Variants in APCDD1 observed in about 807,000 individuals in gnomAD.
APCDD1 encodes the protein APC down-regulated 1, also known as protein APCDD1.
A neutral mutation model predicts 38.1 loss-of-function variants in APCDD1; 15 were observed. The observed-to-expected ratio is 0.39, with a 90% CI of 0.26 to 0.61. The LOEUF is 0.61. Among genes scored for constraint, APCDD1 ranks in the 20% least tolerant of loss-of-function variants. APCDD1 has a pLI of 0.49. For synonymous variants in APCDD1, 261 were observed against 279.7 expected, an observed-to-expected ratio of 0.93 and a Z score of 0.67; for missense variants, 647 against 696.2, an observed-to-expected ratio of 0.93 and a Z score of 0.79.
chr18:10,471,277 C>T lies in APCDD1; in HGVS notation c.243-253C>T, dbSNP rs761464187. 5.3e-5 allele frequency among the ~76,000 whole-genome samples: 8 copies of T among 152,152 alleles called. No homozygotes were observed. The highest frequency in any genetic ancestry group is 1.2e-4 in the Non-Finnish European group (8 of 68,024). On this transcript the variant is annotated intron_variant, in intron 2 of 4. Transcript: ENST00000355285. This position sits in a 1 kb window ranked among gnomAD's most constrained non-coding sequence, Gnocchi z 5.5. ...CTGGATTCATGGACTGGCTCTGATA[C>T]TTGCTGGTCATGTGCTCTTGGGCAT...
Position 10,468,550 on chromosome 18 carries a change from T to C in APCDD1, c.140T>C (p.Phe47Ser). Residue 47 changes from phenylalanine to serine, a missense_variant, in exon 2 of 5, where the codon TTT (phenylalanine) becomes TCT (serine). Physicochemically the swap from Phe to Ser is radical, Grantham distance 155. Transcript: ENST00000355285. ...TTAGAGAAAAGTGCCTGGAGGGCTT[T>C]TAAGGAGTCACAGTGCCATCACATG... The part of the protein sequence containing the change: ...RSLEKSAWRA[F>S]KESQCHHMLK... The C allele has an allele frequency of 6.2e-7, 1 of 1,614,146 alleles. No homozygotes were observed. The highest frequency in any genetic ancestry group is 1.1e-5 in the South Asian group (1 of 91,078).
chr18:10,468,350 G>A (rs577898206), intron 1 of APCDD1, 119 bp from the exon 2 acceptor site: 1 of 1,095,576 alleles, frequency 9.1e-7, no homozygotes, highest in African/African-American at 1.5e-5. Context: ...ATGACACCTT[G>A]TAGAATAAAC....
chr18:10,468,813 G>A (rs1483071989), intron 2 of APCDD1, among the ~76,000 whole-genome samples, 161 bp downstream of exon 2: 1 of 152,204 alleles, frequency 6.6e-6, no homozygotes, highest in Non-Finnish European at 1.5e-5. Flanking sequence ...ATTATGGTTG[G>A]TTAAGAAAAA....
chr18:10,473,849 T>C lies in APCDD1; in HGVS notation c.774+1788T>C, dbSNP rs183685476. Among the ~76,000 whole-genome samples the C allele has an allele frequency of 3.3e-5, 5 of 152,148 alleles. No individual in the cohort carries two copies. In the East Asian group the frequency reaches 7.7e-4, roughly 23 times the overall value. ...TTTATACTGGCCAGGTCCACTTGGT[T>C]TGAGATAGTAGCAGGAGAAGGGGCT... On this transcript the variant is annotated intron_variant, in intron 3 of 4. Coordinates refer to ENST00000355285, the MANE Select transcript of APCDD1 (RefSeq NM_153000.5).
intron 3 of APCDD1, among the ~76,000 whole-genome samples, chr18:10,478,885 A>G (rs1292385178): frequency 6.6e-6 from 1 of 152,218 alleles, no homozygotes; most frequent in Admixed American, 6.5e-5. Context: ...CCAGATAGGA[A>G]AAGCACCCCG....
Position 10,461,124 on chromosome 18 carries a change from A to G in APCDD1, c.58+6085A>G, listed in dbSNP as rs530318454. Among the ~76,000 whole-genome samples, 31 of 152,276 alleles carry G rather than the reference A, an allele frequency of 2.0e-4. 2 individuals are homozygous for G. The highest frequency in any genetic ancestry group is 7.5e-4 in the African/African-American group (31 of 41,562). On this transcript the variant is annotated intron_variant, in intron 1 of 4. Coordinates refer to ENST00000355285, the MANE Select transcript of APCDD1 (RefSeq NM_153000.5). ...CATTGTGCAGTCATTTAGGATTACTATCATGGGGTAATGTATTCCTTGGGA... is the reference window on the plus strand; with the variant it reads ...CATTGTGCAGTCATTTAGGATTACTGTCATGGGGTAATGTATTCCTTGGGA...
Position 10,488,145 on chromosome 18 carries a change from G to T in APCDD1, c.*107G>T. On this transcript the variant is annotated 3_prime_UTR_variant, in exon 5 of 5. Transcript: ENST00000355285. ...TCTTTTGATGCACTTGAATGCCAGA[G>T]AACTGTCCTTCTTTTTCTCCTCTCC... The T allele has an allele frequency of 7.3e-7, 1 of 1,369,866 alleles. No individual in the cohort carries two copies. Among genetic ancestry groups the T allele is most frequent in the Admixed American group, 2.0e-5 (1 of 51,006 alleles). The allele number at this position is 1,369,866 out of a possible 1,614,324, so 84.9% of individuals were successfully genotyped here.
chr18:10,483,240 C>T (rs1476676812), intron 3 of APCDD1, among the ~76,000 whole-genome samples: 1 of 152,204 alleles, frequency 6.6e-6, no homozygotes, highest in Non-Finnish European at 1.5e-5. Context: ...CATGCAGGAG[C>T]TCATCTCCAT....
intron 4 of APCDD1, among the ~76,000 whole-genome samples, chr18:10,487,077 C>G (rs1041172385): frequency 6.6e-6 from 1 of 152,200 alleles, no homozygotes; most frequent in Admixed American, 6.5e-5. Flanking sequence ...TTGCTTGCAG[C>G]CTAACTTATT....
intron 4 of APCDD1, among the ~76,000 whole-genome samples, chr18:10,487,262 A>G (rs60199038): frequency 0.016 from 2,507 of 152,314 alleles, 58 homozygotes; most frequent in African/African-American, 0.058. Context: ...AAAACTCCTT[A>G]GGAGCACTCC....
Position 10,475,661 on chromosome 18 carries a change from T to G in APCDD1, c.774+3600T>G. 8.4e-6 allele frequency among the ~76,000 whole-genome samples: 1 copy of G among 118,414 alleles called. No individual in the cohort carries two copies. Among genetic ancestry groups the G allele is most frequent in the Non-Finnish European group, 1.6e-5 (1 of 61,886 alleles). The allele number at this position is 118,414 out of a possible 152,430, so 77.7% of individuals were successfully genotyped here. On this transcript the variant is annotated intron_variant, in intron 3 of 4. Transcript: ENST00000355285. The surrounding 1 kb of genome is among the most constrained non-coding windows in gnomAD (Gnocchi z 4.0). ...GCACAGTCATCACAGAAAATTTAGA[T>G]TAAAAAAAAAAAAAAGCAAGCAAAC...
chr18:10,482,980 C>T (rs2031173205), intron 3 of APCDD1, among the ~76,000 whole-genome samples: 1 of 152,190 alleles, frequency 6.6e-6, no homozygotes, highest in East Asian at 1.9e-4. Context: ...GTCAGAAAGG[C>T]CTTTATTTAA....
At chr18:10,462,597 CCTTCCT>C in intron 1 of APCDD1, among the ~76,000 whole-genome samples, 1 of 4,234 alleles carries the variant, frequency 2.4e-4, no homozygotes, top group African/African-American at 1.5e-3. Context: ...CTCCCTCCTT[CCTTCCT>C]TCCTTCCTTC....
chr18:10,466,458 A>G (rs2030716786), intron 1 of APCDD1, among the ~76,000 whole-genome samples: 1 of 152,242 alleles, frequency 6.6e-6, no homozygotes, highest in Non-Finnish European at 1.5e-5. Context: ...CAGACTTCCC[A>G]TCTGGCCCAG....
rs1321171570 is a variant in APCDD1 at position 10,472,262 on chromosome 18, G to A, written c.774+201G>A. Among the ~76,000 whole-genome samples the A allele has an allele frequency of 2.0e-5, 3 of 152,148 alleles. No individual in the cohort carries two copies. The highest frequency in any genetic ancestry group is 7.2e-5 in the African/African-American group (3 of 41,452). ...TGCTTTAGCCAGTCAGGAGACCTGGGTCTGCCACCAACTTGCTCTGTGACT... is the reference window on the plus strand; with the variant it reads ...TGCTTTAGCCAGTCAGGAGACCTGGATCTGCCACCAACTTGCTCTGTGACT... On this transcript the variant is annotated intron_variant, in intron 3 of 4. Transcript: ENST00000355285. This position sits in a 1 kb window ranked among gnomAD's most constrained non-coding sequence, Gnocchi z 6.6.
chr18:10,481,825 C>CA (rs34793508), intron 3 of APCDD1, among the ~76,000 whole-genome samples: 1,734 of 151,556 alleles, frequency 0.011, 31 homozygotes, highest in African/African-American at 0.035. Context: ...CTCCACAAGA[C>CA]AAAAAAAACA....
At chr18:10,474,239 T>TGA (rs1291262545) in intron 3 of APCDD1, 8 of 152,226 alleles carry the variant, frequency 5.3e-5, no homozygotes, top group African/African-American at 1.9e-4. Context: ...ATCTTTCAAA[T>TGA]GATCTCAGGT....
chr18:10,487,171 C>T lies in APCDD1; in HGVS notation c.1097-419C>T, dbSNP rs1296606483. On this transcript the variant is annotated intron_variant, in intron 4 of 4. Transcript: ENST00000355285. Reference sequence around the variant, plus strand: ...TTTGACACCAAAACTTTTAGAAACCCGAAAACCTTTTGATAAAAGCAAAAT... The same window carrying T: ...TTTGACACCAAAACTTTTAGAAACCTGAAAACCTTTTGATAAAAGCAAAAT... Among the ~76,000 whole-genome samples the T allele has an allele frequency of 2.6e-5, 4 of 152,166 alleles. No individual in the cohort carries two copies. In the East Asian group the frequency reaches 7.7e-4, roughly 29 times the overall value.
At position 10,485,900 on chromosome 18, in the gene APCDD1, T is replaced by C. The variant is rs990165122; in HGVS notation, c.1096+117T>C. On this transcript the variant is annotated intron_variant, in intron 4 of 4. Transcript: ENST00000355285. The surrounding 1 kb of genome is among the most constrained non-coding windows in gnomAD (Gnocchi z 5.8). Reference sequence around the variant, plus strand: ...TCTGCCTGAGTTCCCAGGAAAGAAATTGGGGAGTCATTTCTGCCTCAGTCC... The same window carrying C: ...TCTGCCTGAGTTCCCAGGAAAGAAACTGGGGAGTCATTTCTGCCTCAGTCC... 6.3e-5 allele frequency: 74 copies of C among 1,178,886 alleles called. No homozygotes were observed. The highest frequency in any genetic ancestry group is 3.4e-4 in the Admixed American group (17 of 50,632). 73.0% of individuals were successfully genotyped at this position (1,178,886 alleles called of 1,614,324 possible).
Sources: allele counts gnomAD v4.1 joint callset (sites outside exome capture counted in the v4.1 genomes callset), GRCh38; gene constraint gnomAD v4.1.1; non-coding constraint Gnocchi (gnomAD v3.1); transcripts MANE v1.5; gene names NCBI Gene and HGNC (gene_info 2026-07-23, HGNC 2026-07-21).